CCDC180: variants seen among roughly 807,000 people sequenced by gnomAD.
The protein encoded by CCDC180 is coiled-coil domain-containing protein 180.
CCDC180 carries 154 observed loss-of-function variants against 209.2 expected under a neutral mutation model. The observed-to-expected ratio is 0.74, with a 90% CI of 0.65 to 0.84. CCDC180 has a LOEUF of 0.84. Ranked by LOEUF, CCDC180 falls within the 40% of genes least tolerant of loss-of-function variation. The pLI is 0.00. For synonymous variants in CCDC180, 778 were observed against 749.1 expected, an observed-to-expected ratio of 1.04 and a Z score of -0.63; for missense variants, 1,874 against 1,997.3, an observed-to-expected ratio of 0.94 and a Z score of 1.18.
rs889391135 is a variant in CCDC180, at chr9:97,354,941, T to A, written c.3197T>A (p.Val1066Glu). The A allele has an allele frequency of 6.2e-7, 1 of 1,614,226 alleles. No homozygotes were observed. The highest frequency in any genetic ancestry group is 1.3e-5 in the African/African-American group (1 of 75,084). The change falls in exon 24 of 37, where the codon GTG becomes GAG. Residue 1066 changes from valine (V) to glutamate (E), a missense_variant. By Grantham distance (121) the Val-to-Glu change is moderately radical. Coordinates refer to ENST00000529487, the MANE Select transcript of CCDC180 (RefSeq NM_020893.6). Reference protein sequence around the residue: ...KFESKFHNLSVDLIFIEKIQR... With the variant: ...KFESKFHNLSEDLIFIEKIQR... ...GAAAGCAAATTCCATAACCTGTCTG[T>A]GGACCTTATTTTCATAGAGAAAATC...
At chr9:97,362,488 C>A (rs761885248) in intron 28 of CCDC180, 47 bp downstream of exon 28, 3 of 1,589,328 alleles carry the variant, frequency 1.9e-6, no homozygotes, top group Admixed American at 1.7e-5. Flanking sequence ...TCCATCCCCC[C>A]ACACAAAGGC....
At chr9:97,340,081 A>G (rs547854884) in intron 18 of CCDC180, among the ~76,000 whole-genome samples, 129 of 152,160 alleles carry the variant, frequency 8.5e-4, no homozygotes, top group Non-Finnish European at 1.6e-3. Context: ...CAAAGTTTTT[A>G]GCTTCCTTGC....
At chr9:97,341,596 C>T (rs1438280846) in intron 18 of CCDC180, among the ~76,000 whole-genome samples, 1 of 152,136 alleles carries the variant, frequency 6.6e-6, no homozygotes, top group Non-Finnish European at 1.5e-5. Flanking sequence ...TCAGTCGGCC[C>T]CTACTAGGAG....
Position 97,322,978 on chromosome 9 carries a change from C to T in CCDC180, c.1248+57C>T, listed in dbSNP as rs1291297988. 2.1e-6 allele frequency: 3 copies of T among 1,427,158 alleles called. No individual in the cohort carries two copies. In the Admixed American group the frequency reaches 5.4e-5, roughly 26 times the overall value. The allele number at this position is 1,427,158 out of a possible 1,614,324, so 88.4% of individuals were successfully genotyped here. A position where few individuals can be genotyped will look rare whatever the true frequency, so the allele number is the denominator to read the frequency against. Reference sequence around the variant, plus strand: ...GAATCCTGGGCAGGACCTGAAGTGCCTTCCCTGGCCCCATACCCACTGCCT... The same window carrying T: ...GAATCCTGGGCAGGACCTGAAGTGCTTTCCCTGGCCCCATACCCACTGCCT... On this transcript the variant is annotated intron_variant, in intron 12 of 36. Transcript: ENST00000529487.
intron 35 of CCDC180, 39 bp downstream of exon 35, chr9:97,374,687 G>A (rs1384876057): frequency 2.0e-6 from 3 of 1,517,256 alleles, no homozygotes; most frequent in Middle Eastern, 1.7e-4. Flanking sequence ...GTAAATGGCT[G>A]TATCTGCTGG....
chr9:97,363,010 CAGAGCTG>C (rs1826809617), intron 28 of CCDC180, among the ~76,000 whole-genome samples: 1 of 152,244 alleles, frequency 6.6e-6, no homozygotes, highest in Admixed American at 6.5e-5. Context: ...GCTATTGACT[CAGAGCTG>C]ACCACAGCAG....
At chr9:97,331,323 A>G (rs980376863) in intron 18 of CCDC180, among the ~76,000 whole-genome samples, 2 of 152,168 alleles carry the variant, frequency 1.3e-5, no homozygotes, top group African/African-American at 2.4e-5. Flanking sequence ...CCTACTGTCA[A>G]TGGGCGTTTA....
At chr9:97,374,505 G>A (rs374112010) in intron 34 of CCDC180, 38 bp from the exon 35 acceptor site, 273 of 1,495,848 alleles carry the variant, frequency 1.8e-4, no homozygotes, top group Non-Finnish European at 1.9e-4. Context: ...TCAGGCTGTC[G>A]GTGAGGCTGC....
intron 22 of CCDC180, among the ~76,000 whole-genome samples, chr9:97,351,942 G>A (rs188325581): frequency 3.3e-5 from 5 of 152,136 alleles, no homozygotes; most frequent in Middle Eastern, 3.4e-3. Flanking sequence ...GAGAAACCCC[G>A]TCTCTACTAA....
chr9:97,308,202 C>T (rs1832862256), intron 2 of CCDC180, 70 bp downstream of exon 2: 1 of 1,362,530 alleles, frequency 7.3e-7, no homozygotes, highest in African/African-American at 1.5e-5. Context: ...TTCCCTCCCT[C>T]CCAGGGCTTC....
intron 18 of CCDC180, among the ~76,000 whole-genome samples, chr9:97,340,417 G>A (rs575264589): frequency 2.0e-5 from 3 of 152,294 alleles, no homozygotes; most frequent in Admixed American, 1.3e-4. Flanking sequence ...CCGAGGACAC[G>A]AGCTGTTCCA....
chr9:97,374,764 G>A, intron 35 of CCDC180, 116 bp downstream of exon 35: 2 of 748,356 alleles, frequency 2.7e-6, no homozygotes, highest in South Asian at 3.5e-5. Context: ...AAGGCATTGT[G>A]TTCTGAGCCT....
At chr9:97,338,116 C>T (rs571812498) in intron 18 of CCDC180, among the ~76,000 whole-genome samples, 1 of 152,278 alleles carries the variant, frequency 6.6e-6, no homozygotes, top group Non-Finnish European at 1.5e-5. Context: ...AAACCAGCTC[C>T]TGGATGCATT....
chr9:97,362,961 G>C (rs1483000293), intron 28 of CCDC180, among the ~76,000 whole-genome samples: 2 of 152,194 alleles, frequency 1.3e-5, no homozygotes, highest in Non-Finnish European at 1.5e-5. Context: ...GTGTGCAATG[G>C]GGAAAGAAAC....
At chr9:97,323,271 ACT>A (rs1296025363) in intron 12 of CCDC180, among the ~76,000 whole-genome samples, 3 of 151,704 alleles carry the variant, frequency 2.0e-5, no homozygotes, top group Admixed American at 6.6e-5. Flanking sequence ...TTCACCCTTG[ACT>A]CTCTGTCGTA....
At chr9:97,355,494 A>G (rs1826555345) in intron 24 of CCDC180, among the ~76,000 whole-genome samples, 1 of 152,184 alleles carries the variant, frequency 6.6e-6, no homozygotes, top group South Asian at 2.1e-4. Context: ...TTTACTAGTT[A>G]TTGAGCACCA....
rs1436098311 is a variant in CCDC180, at chr9:97,377,202, G to GGGCA, written c.*311_*314dup. 4.6e-6 allele frequency: 1 copy of GGGCA among 216,796 alleles called. No homozygotes were observed. Among genetic ancestry groups the GGGCA allele is most frequent in the Non-Finnish European group, 9.2e-6 (1 of 109,090 alleles). The allele number at this position is 216,796 out of a possible 1,614,324, so 13.4% of individuals were successfully genotyped here. On this transcript the variant is annotated 3_prime_UTR_variant, in exon 37 of 37. Transcript: ENST00000529487. ...GGACATCACCTCCAAACAGCATGCT[G>GGGCA]GGCAGGGCACGTCATCTTGAAAAAT...
chr9:97,330,690 G>A lies in CCDC180; in HGVS notation c.2197G>A (p.Glu733Lys), dbSNP rs185149731. The A allele has an allele frequency of 6.2e-7, 1 of 1,609,550 alleles. No individual in the cohort carries two copies. Among genetic ancestry groups the A allele is most frequent in the Non-Finnish European group, 8.5e-7 (1 of 1,179,044 alleles). Reference protein sequence around the residue: ...SEEEDEKEEEEEEEKLEEEKE... With the variant: ...SEEEDEKEEEKEEEKLEEEKE... ...GGAGGAAGATGAGAAGGAGGAAGAG[G>A]AGGAGGAGGAGAAGCTGGAGGAAGA... Residue 733 changes from glutamate (E) to lysine (K), a missense_variant, in exon 18 of 37, where the codon GAG (glutamate) becomes AAG (lysine). Glu to Lys is a moderately conservative substitution (Grantham distance 56). Coordinates refer to ENST00000529487, the MANE Select transcript of CCDC180 (RefSeq NM_020893.6).
At chr9:97,318,665 A>G in intron 10 of CCDC180, 83 bp downstream of exon 10, 2 of 1,554,948 alleles carry the variant, frequency 1.3e-6, no homozygotes, top group Non-Finnish European at 1.7e-6. Flanking sequence ...TCTGTCCCCC[A>G]AGGCATCCTT....
Sources: gnomAD v4.1 joint callset for allele counts (sites outside exome capture counted in the v4.1 genomes callset) on GRCh38, gnomAD v4.1.1 for gene constraint, MANE v1.5 for transcripts, NCBI Gene and HGNC (gene_info 2026-07-23, HGNC 2026-07-21) for gene names.